CD300LD: variants seen among roughly 807,000 people sequenced by gnomAD.
CD300LD encodes the protein CMRF35-like molecule 5.
CD300LD carries 18 observed loss-of-function variants against 20.3 expected under a neutral mutation model. The ratio of observed to expected loss-of-function variants is 0.89; its 90% CI spans 0.61 to 1.32. CD300LD has a LOEUF of 1.32. CD300LD is among the 40% of genes most tolerant of loss of function. CD300LD has a pLI of 0.00. For synonymous variants in CD300LD, 104 were observed against 90.1 expected (o/e 1.15, Z -0.87); for missense variants, 195 against 226.6 (o/e 0.86, Z 0.90).
At position 74,592,273 on chromosome 17, in the gene CD300LD, C is replaced by T; in HGVS notation, c.-71G>A. The stretch of plus-strand genomic sequence containing the variant: ...CCCTTCAGGGACTTGAATCCAAGCT[C>T]GGAAGTCAACACCGCAAACCTACTC... On this transcript the variant is annotated 5_prime_UTR_variant, in exon 1 of 4. Transcript: ENST00000375352. The T allele has an allele frequency of 1.2e-6, 2 of 1,613,872 alleles. No homozygotes were observed. Among genetic ancestry groups the T allele is most frequent in the East Asian group, 4.5e-5 (2 of 44,874 alleles).
rs117822674 is a variant in CD300LD, at chr17:74,584,476, C to T, written c.380-2165G>A. 3.0e-4 allele frequency among the ~76,000 whole-genome samples: 46 copies of T among 152,246 alleles called. No homozygotes were observed. The East Asian group carries it at 7.7e-3, about 26-fold the overall frequency. On this transcript the variant is annotated intron_variant, in intron 2 of 3. Transcript: ENST00000375352. ...AAGCAGGATGTTGGAAAACTGGCAA[C>T]GGTGTCTGCTGCCCGAAGGGGTGCT... is the stretch of plus-strand genomic sequence containing the variant.
chr17:74,588,480 G>A (rs201241574), intron 2 of CD300LD, 31 bp downstream of exon 2: 3 of 1,446,906 alleles, frequency 2.1e-6, no homozygotes, highest in Admixed American at 3.5e-5. Context: ...CAGGACCTGA[G>A]AGACACACAC....
chr17:74,583,232 G>A (rs1250610995), intron 2 of CD300LD, among the ~76,000 whole-genome samples: 1 of 152,116 alleles, frequency 6.6e-6, no homozygotes, highest in Non-Finnish European at 1.5e-5. Flanking sequence ...ACCTCAAAAT[G>A]TGACTATATT....
At chr17:74,581,432 G>A (rs1018373653) in intron 3 of CD300LD, among the ~76,000 whole-genome samples, 3 of 152,212 alleles carry the variant, frequency 2.0e-5, no homozygotes, top group Admixed American at 6.5e-5. Flanking sequence ...ACAGCAGGCC[G>A]TGATGGAACC....
intron 1 of CD300LD, chr17:74,591,855 T>C: frequency 3.1e-6 from 1 of 325,858 alleles, no homozygotes; most frequent in Non-Finnish European, 5.3e-6. Context: ...AAGAATGGAC[T>C]CACTCATTAG....
At chr17:74,580,261 G>A in intron 3 of CD300LD, 148 bp from the exon 4 acceptor site, 1 of 604,032 alleles carries the variant, frequency 1.7e-6, no homozygotes, top group East Asian at 2.9e-5. Context: ...GTGGGGCACA[G>A]TCACACTGCT....
At chr17:74,591,694 A>C (rs756864056) in intron 1 of CD300LD, among the ~76,000 whole-genome samples, 1 of 152,174 alleles carries the variant, frequency 6.6e-6, no homozygotes, top group Non-Finnish European at 1.5e-5. Flanking sequence ...ATCCACTGTG[A>C]AATACTATGC....
chr17:74,584,918 A>C (rs1363541705), intron 2 of CD300LD: 1 of 152,286 alleles, frequency 6.6e-6, no homozygotes, highest in Non-Finnish European at 1.5e-5. Context: ...ATAAAAGGTC[A>C]GTGCCCTAAA....
chr17:74,581,094 C>T (rs1168961206), intron 3 of CD300LD, among the ~76,000 whole-genome samples: 3 of 151,790 alleles, frequency 2.0e-5, no homozygotes, highest in African/African-American at 7.3e-5. Flanking sequence ...CCTGCTACAC[C>T]TCTGGAGTCC....
chr17:74,585,685 C>A (rs923693018), intron 2 of CD300LD, among the ~76,000 whole-genome samples: 8 of 152,218 alleles, frequency 5.3e-5, no homozygotes, highest in Admixed American at 5.2e-4. Context: ...TAATGGAGTA[C>A]AAAGCCCATT....
Position 74,582,188 on chromosome 17 carries a change from G to A in CD300LD, c.473+30C>T, listed in dbSNP as rs201072277. ...GGAGAGGCCATGGGGCCAGGCCTGT[G>A]CGAAAGTGGTGGGACCTGGCTCCAC... On this transcript the variant is annotated intron_variant, in intron 3 of 3. Transcript: ENST00000375352. 4.8e-4 allele frequency: 769 copies of A among 1,599,626 alleles called. 1 individual carries two copies. Among genetic ancestry groups the A allele is most frequent in the African/African-American group, 3.9e-3 (289 of 74,738 alleles).
At chr17:74,591,090 A>AGGAGAATATATCTGAAAATTGTTT (rs1476813029) in intron 1 of CD300LD, among the ~76,000 whole-genome samples, 1 of 151,840 alleles carries the variant, frequency 6.6e-6, no homozygotes, top group East Asian at 1.9e-4. Context: ...AAGGAAAGGA[A>AGGAGAATATATCTGAAAATTGTTT]GGAGAATATA....
intron 2 of CD300LD, among the ~76,000 whole-genome samples, chr17:74,582,771 G>A (rs575855974): frequency 1.4e-3 from 212 of 152,206 alleles, no homozygotes; most frequent in Non-Finnish European, 2.5e-3. Flanking sequence ...CTCTCTGGCC[G>A]TTTCCTGTCT....
intron 1 of CD300LD, among the ~76,000 whole-genome samples, chr17:74,591,735 T>C (rs957900443): frequency 6.6e-6 from 1 of 151,094 alleles, no homozygotes; most frequent in Admixed American, 6.6e-5. Flanking sequence ...CTTTGATTTG[T>C]GCTACAACAC....
intron 2 of CD300LD, among the ~76,000 whole-genome samples, chr17:74,587,657 T>C (rs2030197549): frequency 1.3e-5 from 2 of 152,208 alleles, no homozygotes; most frequent in African/African-American, 4.8e-5. Flanking sequence ...TATCTTGAGC[T>C]AAGGCCATTG....
chr17:74,590,629 G>A (rs887620352), intron 1 of CD300LD: 3 of 152,018 alleles, frequency 2.0e-5, no homozygotes, highest in South Asian at 2.1e-4. Context: ...TGCTTTCTAT[G>A]GCATCTGAAG....
intron 1 of CD300LD, among the ~76,000 whole-genome samples, chr17:74,590,899 G>C (rs902021961): frequency 2.0e-5 from 3 of 151,990 alleles, no homozygotes; most frequent in Non-Finnish European, 2.9e-5. Flanking sequence ...GCAACATAGC[G>C]AGACTAAATA....
In CD300LD at chr17:74,580,056, G is replaced by C; in HGVS notation, c.531C>G (p.Leu177=). 1.2e-6 allele frequency: 2 copies of C among 1,613,630 alleles called. No homozygotes were observed. Among genetic ancestry groups the C allele is most frequent in the South Asian group, 2.2e-5 (2 of 90,932 alleles). The part of the protein sequence containing the change: ...LFLFLLELPL[L]LSMLGTVLWV... Reference sequence around the variant, plus strand: ...AGAGGACGGTCCCCAGCATGCTCAGGAGCAGAGGCAGCTCCAGGAGGAACA... The same window carrying C: ...AGAGGACGGTCCCCAGCATGCTCAGCAGCAGAGGCAGCTCCAGGAGGAACA... Residue 177 remains leucine (L), a synonymous_variant, in exon 4 of 4, where the codon CTC becomes CTG. Transcript: ENST00000375352.
intron 2 of CD300LD, among the ~76,000 whole-genome samples, chr17:74,588,014 G>C (rs940674439): frequency 1.3e-5 from 2 of 152,162 alleles, no homozygotes; most frequent in African/African-American, 4.8e-5. Flanking sequence ...CTGGAATTGA[G>C]TCATTTATAA....
Sources: allele counts gnomAD v4.1 joint callset (sites outside exome capture counted in the v4.1 genomes callset), GRCh38; gene constraint gnomAD v4.1.1; transcripts MANE v1.5; gene names NCBI Gene and HGNC (gene_info 2026-07-23, HGNC 2026-07-21).